The following PTBP3 variants were observed in gnomAD, a reference collection of about 807,000 sequenced individuals.
PTBP3 encodes the protein polypyrimidine tract-binding protein 3.
Under a neutral mutation model 58.7 loss-of-function variants are expected in PTBP3, and 20 were observed. The ratio of observed to expected loss-of-function variants is 0.34; its 90% confidence interval spans 0.24 to 0.50. PTBP3 has a LOEUF of 0.50. PTBP3 is among the 20% of genes least tolerant of loss of function. PTBP3 has a pLI of 0.98. For synonymous variants in PTBP3, 185 were observed against 219.8 expected, an observed-to-expected ratio of 0.84 and a Z score of 1.40; for missense variants, 509 against 637.2, an observed-to-expected ratio of 0.80 and a Z score of 2.17.
chr9:112,260,402 G>A (rs144951438), intron 5 of PTBP3, among the ~76,000 whole-genome samples: 2 of 152,312 alleles, frequency 1.3e-5, no homozygotes, highest in African/African-American at 4.8e-5. Flanking sequence ...ACTACCTCTA[G>A]ACCCTGTATC....
rs10817292 is a variant in PTBP3 at position 112,223,705 on chromosome 9, T to C, written c.*146A>G. The C allele has an allele frequency of 7.5e-7, 1 of 1,326,718 alleles. No individual in the cohort carries two copies. The highest frequency in any genetic ancestry group is 3.0e-5 in the East Asian group (1 of 33,828). 82.2% of individuals were successfully genotyped at this position (1,326,718 alleles called of 1,614,324 possible). On this transcript the variant is annotated 3_prime_UTR_variant, in exon 14 of 14. Transcript: ENST00000374257. ...GCAGGGGGAATACAAAAAAAAAAAA[T>C]CCCTTGATTTTTAAAATATACTTGA...
intron 1 of PTBP3, among the ~76,000 whole-genome samples, chr9:112,333,233 C>T (rs1830453250): frequency 6.6e-6 from 1 of 152,192 alleles, no homozygotes; most frequent in African/African-American, 2.4e-5. Context: ...GGCTAGGAAG[C>T]AGCGGACGTG....
At chr9:112,331,717 G>A (rs1464787356) in intron 1 of PTBP3, among the ~76,000 whole-genome samples, 1 of 152,160 alleles carries the variant, frequency 6.6e-6, no homozygotes, top group Non-Finnish European at 1.5e-5. Context: ...GTCAGTATCT[G>A]TATAACTGCC....
Position 112,220,469 on chromosome 9 carries a change from C to A in PTBP3, c.*3382G>T. On this transcript the variant is annotated 3_prime_UTR_variant, in exon 14 of 14. Coordinates refer to ENST00000374257, the MANE Select transcript of PTBP3 (RefSeq NM_001163788.4). Reference sequence around the variant, plus strand: ...TAAAACAGAACCCATGATTATCATACTAGGTGGAGCCAAAGAAGGCCTCAC... The same window carrying A: ...TAAAACAGAACCCATGATTATCATAATAGGTGGAGCCAAAGAAGGCCTCAC... 9.2e-7 allele frequency: 1 copy of A among 1,087,770 alleles called. No individual in the cohort carries two copies. Among genetic ancestry groups the A allele is most frequent in the Non-Finnish European group, 1.1e-6 (1 of 887,458 alleles). 67.4% of individuals were successfully genotyped at this position (1,087,770 alleles called of 1,614,324 possible).
the PTBP3 span, among the ~76,000 whole-genome samples, chr9:112,370,212 C>T: frequency 6.6e-6 from 1 of 152,202 alleles, no homozygotes; most frequent in Non-Finnish European, 1.5e-5. Flanking sequence ...ACTGCTCCCA[C>T]TTTTGATTAC....
intron 11 of PTBP3, among the ~76,000 whole-genome samples, chr9:112,227,956 T>C (rs565105511): frequency 8.5e-5 from 13 of 152,294 alleles, no homozygotes; most frequent in Admixed American, 2.6e-4. Context: ...TTATAAGAAA[T>C]TTTGAGTAAT....
rs1406469768 is a variant in PTBP3, at chr9:112,320,304, ATATATATATAT to A, written c.-52+13155_-52+13165del. Among the ~76,000 whole-genome samples the A allele has an allele frequency of 1.2e-3, 64 of 54,152 alleles. 4 individuals carry two copies. The highest frequency in any genetic ancestry group is 8.6e-3 in the African/African-American group (63 of 7,312). 35.5% of individuals were successfully genotyped at this position (54,152 alleles called of 152,430 possible). On this transcript the variant is annotated intron_variant, in intron 1 of 13. Coordinates refer to ENST00000374257, the MANE Select transcript of PTBP3 (RefSeq NM_001163788.4). Reference sequence around the variant, plus strand: ...TAAAAAAAAAAAAATATATATATATATATATATATATTTTTTTTTAAGTGTTATCACCAGAA... The same window carrying A: ...TAAAAAAAAAAAAATATATATATATATTTTTTTTAAGTGTTATCACCAGAA...
At chr9:112,329,845 C>CAT (rs1554807738) in intron 1 of PTBP3, among the ~76,000 whole-genome samples, 1 of 131,970 alleles carries the variant, frequency 7.6e-6, no homozygotes, top group African/African-American at 2.9e-5. Context: ...CTAGGCTACA[C>CAT]TTTTTTTTTT....
intron 1 of PTBP3, among the ~76,000 whole-genome samples, chr9:112,324,699 A>G (rs2132461200): frequency 6.6e-6 from 1 of 152,086 alleles, no homozygotes; most frequent in Admixed American, 6.5e-5. Context: ...CAAAAGACTT[A>G]ACATTCACAA....
chr9:112,320,046 A>G (rs1829854767), intron 1 of PTBP3, among the ~76,000 whole-genome samples: 1 of 152,088 alleles, frequency 6.6e-6, no homozygotes, highest in South Asian at 2.1e-4. Flanking sequence ...ATTTTGGTCA[A>G]GGATACAAAA....
At chr9:112,269,195 T>A (rs1258255927) in intron 3 of PTBP3, among the ~76,000 whole-genome samples, 2 of 39,146 alleles carry the variant, frequency 5.1e-5, no homozygotes, top group East Asian at 1.1e-3. Context: ...AAACTCTGTC[T>A]CAAAAAAAAA....
At chr9:112,237,609 A>T (rs554417016) in intron 7 of PTBP3, among the ~76,000 whole-genome samples, 1 of 152,302 alleles carries the variant, frequency 6.6e-6, no homozygotes, top group South Asian at 2.1e-4. Flanking sequence ...TAAAAAACCT[A>T]AAAGTTGCCG....
At chr9:112,336,344 AAAGGACAT>A (rs1180011095), upstream of PTBP3, among the ~76,000 whole-genome samples, 18 of 152,342 alleles carry the variant, frequency 1.2e-4, no homozygotes, top group African/African-American at 3.6e-4. Context: ...ATTGAGAAAC[AAAGGACAT>A]AAGCCTTAAT....
At chr9:112,248,363 C>A (rs1477737926) in intron 7 of PTBP3, among the ~76,000 whole-genome samples, 4 of 151,966 alleles carry the variant, frequency 2.6e-5, no homozygotes, top group Admixed American at 2.0e-4. Flanking sequence ...AAATAAAACA[C>A]AAAAACAGAC....
the PTBP3 span, among the ~76,000 whole-genome samples, chr9:112,345,735 TCAGA>T: frequency 1.3e-5 from 2 of 152,122 alleles, no homozygotes; most frequent in Non-Finnish European, 2.9e-5. Flanking sequence ...CTAGAATAGC[TCAGA>T]CAGTCTTAAA....
the PTBP3 span, among the ~76,000 whole-genome samples, chr9:112,379,757 G>C: frequency 6.6e-6 from 1 of 152,254 alleles, no homozygotes; most frequent in Admixed American, 6.5e-5. Context: ...TCCCAGCTCG[G>C]AGCCGGCGCT....
chr9:112,263,842 G>C (rs1836694575), intron 4 of PTBP3, among the ~76,000 whole-genome samples: 1 of 152,154 alleles, frequency 6.6e-6, no homozygotes. Flanking sequence ...AGAAGGACCA[G>C]AGTGGCATCT....
chr9:112,226,538 T>C (rs1834997605), intron 12 of PTBP3, among the ~76,000 whole-genome samples: 1 of 152,184 alleles, frequency 6.6e-6, no homozygotes, highest in African/African-American at 2.4e-5. Context: ...ATTTCCAAAG[T>C]CCATGAACAA....
At chr9:112,224,107 T>C in intron 13 of PTBP3, 26 bp downstream of exon 13, 2 of 1,559,068 alleles carry the variant, frequency 1.3e-6, no homozygotes, top group Non-Finnish European at 1.7e-6. Context: ...ATAATTTTAA[T>C]GTATTTCTTG....
Sources: gnomAD v4.1 joint callset for allele counts (sites outside exome capture counted in the v4.1 genomes callset) on GRCh38, gnomAD v4.1.1 for gene constraint, MANE v1.5 for transcripts, NCBI Gene and HGNC (gene_info 2026-07-23, HGNC 2026-07-21) for gene names.